APOLD1: variants seen among roughly 807,000 people sequenced by gnomAD.
APOLD1 encodes the protein apolipoprotein L domain containing 1, also known as apolipoprotein L domain-containing protein 1.
APOLD1 carries 22 observed loss-of-function variants against 15.3 expected under a neutral mutation model. That is an observed-to-expected ratio of 1.44 (90% CI 1.03 to 2.05). The LOEUF (loss-of-function observed/expected upper bound fraction) is 2.05, where lower values mean the gene tolerates loss of function less well. APOLD1 is among the 30% of genes most tolerant of loss of function. APOLD1 has a pLI of 0.00. For missense variants in APOLD1, 394 were observed against 353.5 expected (o/e 1.11, Z -0.92); for synonymous variants, 190 against 167.4 (o/e 1.13, Z -1.04).
At chr12:12,782,120 A>T (rs1302833284), upstream of APOLD1, among the ~76,000 whole-genome samples, 1 of 151,908 alleles carries the variant, frequency 6.6e-6, no homozygotes, top group African/African-American at 2.4e-5. Context: ...TTAGCTGGGC[A>T]TGGTGGTGCG....
chr12:12,767,332 A>T (rs553411475), intron 1 of APOLD1, among the ~76,000 whole-genome samples: 1 of 152,272 alleles, frequency 6.6e-6, no homozygotes, highest in Non-Finnish European at 1.5e-5. Context: ...TATTCAGAAA[A>T]ATTAAAAACA....
At chr12:12,771,221 C>A in intron 1 of APOLD1, 1 of 171,204 alleles carries the variant, frequency 5.8e-6, no homozygotes, top group Non-Finnish European at 1.2e-5. Flanking sequence ...TTTTTAATTG[C>A]TCTAACAGAT....
chr12:12,729,765 AAATAATAAT>A (rs1032488733), intron 1 of APOLD1, among the ~76,000 whole-genome samples: 1 of 151,520 alleles, frequency 6.6e-6, no homozygotes, highest in Non-Finnish European at 1.5e-5. Context: ...TAAAAAAATA[AAATAATAAT>A]AATAATAATA....
intron 1 of APOLD1, among the ~76,000 whole-genome samples, chr12:12,786,343 G>T (rs1179254191): frequency 1.3e-5 from 2 of 152,146 alleles, no homozygotes; most frequent in African/African-American, 4.8e-5. Flanking sequence ...ATCACAAGCA[G>T]AAGAGTTGCT....
At position 12,739,017 on chromosome 12, in the gene APOLD1, A is replaced by C. The variant is rs544370840; in HGVS notation, c.96+12921A>C. ...AAATGCAAATCTTAACAGATACAGA[A>C]GTCCTTGAGGATTTTTGAGCAAGGA... On this transcript the variant is annotated intron_variant, in intron 1 of 1. Coordinates refer to the APOLD1 transcript ENST00000326765. Among the ~76,000 whole-genome samples the C allele has an allele frequency of 5.9e-5, 9 of 152,374 alleles. No individual in the cohort carries two copies. In the South Asian group the frequency reaches 1.9e-3, roughly 32 times the overall value.
chr12:12,752,230 A>T (rs903387612), intron 1 of APOLD1, among the ~76,000 whole-genome samples: 16 of 152,178 alleles, frequency 1.1e-4, no homozygotes, highest in African/African-American at 3.6e-4. Context: ...TAGAATAATA[A>T]ACTGAACATG....
At chr12:12,750,642 T>C (rs1787518380) in intron 1 of APOLD1, among the ~76,000 whole-genome samples, 1 of 152,170 alleles carries the variant, frequency 6.6e-6, no homozygotes, top group South Asian at 2.1e-4. Context: ...GCGCATATTA[T>C]TGGAGTGTAG....
intron 1 of APOLD1, among the ~76,000 whole-genome samples, chr12:12,772,282 G>C (rs551675049): frequency 6.6e-6 from 1 of 152,136 alleles, no homozygotes; most frequent in Non-Finnish European, 1.5e-5. Flanking sequence ...ACATATAAAC[G>C]GGTAGAGAAA....
chr12:12,758,313 G>C (rs573003499), intron 1 of APOLD1, among the ~76,000 whole-genome samples: 59 of 151,992 alleles, frequency 3.9e-4, no homozygotes, highest in African/African-American at 1.3e-3. Context: ...TTGGGAGCCC[G>C]AGGCAGGTGG....
intron 1 of APOLD1, among the ~76,000 whole-genome samples, chr12:12,778,560 TC>T (rs1438098229): frequency 6.6e-6 from 1 of 151,470 alleles, no homozygotes; most frequent in Non-Finnish European, 1.5e-5. Context: ...ACTCCTGGGC[TC>T]AAGCAATCCT....
chr12:12,769,575 G>A (rs976213920), intron 1 of APOLD1, among the ~76,000 whole-genome samples: 12 of 150,566 alleles, frequency 8.0e-5, no homozygotes, highest in African/African-American at 2.4e-4. Context: ...TTTTGCAAAC[G>A]ATCCTCTCAT....
At chr12:12,736,877 C>T (rs987474822) in intron 1 of APOLD1, among the ~76,000 whole-genome samples, 3 of 152,186 alleles carry the variant, frequency 2.0e-5, no homozygotes, top group South Asian at 2.1e-4. Flanking sequence ...AGCTACTGAA[C>T]CAGAGATCCG....
rs1447436518 is a variant in APOLD1, at chr12:12,787,341, G to A, written c.436G>A (p.Gly146Ser). ...CCTCGAGTTTTTCTGCCGCTGGCAG[G>A]GCTGCGGGGACCGCCAGCTGCTGCA... Reference protein sequence around the residue: ...SCLEFFCRWQGCGDRQLLQCG... With the variant: ...SCLEFFCRWQSCGDRQLLQCG... The change falls in exon 2 of 2, where the codon GGC (glycine) becomes AGC (serine). Residue 146 changes from glycine to serine, a missense_variant. By Grantham distance (56) the Gly-to-Ser change is moderately conservative. Transcript: ENST00000356591. The surrounding 1 kb of genome is among the most constrained non-coding windows in gnomAD (Gnocchi z 4.9). 1 of 1,613,810 alleles carries A rather than the reference G, an allele frequency of 6.2e-7. No individual in the cohort carries two copies. Among genetic ancestry groups the A allele is most frequent in the African/African-American group, 1.3e-5 (1 of 74,948 alleles).
At position 12,729,292 on chromosome 12, in the gene APOLD1, T is replaced by C. The variant is rs188663879; in HGVS notation, c.96+3196T>C. 1.3e-4 allele frequency among the ~76,000 whole-genome samples: 19 copies of C among 151,482 alleles called. No homozygotes were observed. In the East Asian group the frequency reaches 3.7e-3, roughly 29 times the overall value. ...ACATCAGGATAAATTCCTGAAGAAT[T>C]AAAGAGGATGAAGTAGAAAGAAATG... On this transcript the variant is annotated intron_variant, in intron 1 of 1. Coordinates refer to the APOLD1 transcript ENST00000326765.
chr12:12,728,665 CAAAAAAAAAAAA>C (rs58877184), intron 1 of APOLD1, among the ~76,000 whole-genome samples: 23 of 62,870 alleles, frequency 3.7e-4, no homozygotes, highest in Admixed American at 5.9e-4. Flanking sequence ...GACCCTGTCT[CAAAAAAAAAAAA>C]AAAAAAAAAA....
upstream of APOLD1, among the ~76,000 whole-genome samples, chr12:12,782,989 C>T (rs2002162): frequency 0.27 from 40,880 of 151,832 alleles, 5,566 homozygotes; most frequent in South Asian, 0.38. Flanking sequence ...GTGGATCACC[C>T]GGGGTCAGGA....
intron 1 of APOLD1, among the ~76,000 whole-genome samples, chr12:12,755,315 G>A (rs907875725): frequency 2.0e-5 from 3 of 152,022 alleles, no homozygotes; most frequent in Non-Finnish European, 2.9e-5. Flanking sequence ...AAAATGAACA[G>A]CAATTTTTAG....
At chr12:12,746,367 A>G (rs990514128) in intron 1 of APOLD1, among the ~76,000 whole-genome samples, 4 of 152,108 alleles carry the variant, frequency 2.6e-5, no homozygotes, top group Non-Finnish European at 5.9e-5. Flanking sequence ...GTGGTGGCAG[A>G]TGCCTGTAAT....
chr12:12,742,999 G>A (rs1946739723), intron 1 of APOLD1, among the ~76,000 whole-genome samples: 1 of 152,190 alleles, frequency 6.6e-6, no homozygotes, highest in African/African-American at 2.4e-5. Context: ...TGATCCTCCC[G>A]CCTTGGCCTC....
Sources: gnomAD v4.1 joint callset for allele counts (sites outside exome capture counted in the v4.1 genomes callset) on GRCh38, gnomAD v4.1.1 for gene constraint, Gnocchi (gnomAD v3.1) non-coding constraint, MANE v1.5 for transcripts, NCBI Gene and HGNC (gene_info 2026-07-23, HGNC 2026-07-21) for gene names.